Variants in PDZRN4 observed in about 807,000 individuals in gnomAD.
The protein encoded by PDZRN4 is PDZ domain containing ring finger 4, also known as PDZ domain-containing RING finger protein 4.
PDZRN4 carries 70 observed loss-of-function variants against 99.0 expected under a neutral mutation model. The ratio of observed to expected loss-of-function variants is 0.71; its 90% CI spans 0.58 to 0.86. PDZRN4 has a LOEUF of 0.86. PDZRN4 is among the 40% of genes least tolerant of loss of function. The pLI is 0.00. For missense variants in PDZRN4, 1,474 were observed against 1,331.2 expected, an observed-to-expected ratio of 1.11 and a Z score of -1.67; for synonymous variants, 551 against 501.6, an observed-to-expected ratio of 1.10 and a Z score of -1.32.
At chr12:41,528,446 G>A (rs1454486909) in intron 5 of PDZRN4, among the ~76,000 whole-genome samples, 1 of 152,112 alleles carries the variant, frequency 6.6e-6, no homozygotes, top group Middle Eastern at 3.2e-3. Flanking sequence ...TGAACACATT[G>A]CTTGTAAAAC....
intron 3 of PDZRN4, among the ~76,000 whole-genome samples, chr12:41,234,514 C>G (rs1951052240): frequency 6.6e-6 from 1 of 152,062 alleles, no homozygotes. Context: ...TTCATGTTAT[C>G]ACTGATAGAG....
intron 3 of PDZRN4, among the ~76,000 whole-genome samples, chr12:41,336,942 C>G (rs1361562169): frequency 1.3e-5 from 2 of 151,964 alleles, no homozygotes; most frequent in Non-Finnish European, 2.9e-5. Context: ...GATGTTATCC[C>G]AGGAGCAATT....
At chr12:41,538,653 T>C (rs996281172) in intron 5 of PDZRN4, among the ~76,000 whole-genome samples, 1 of 152,028 alleles carries the variant, frequency 6.6e-6, no homozygotes, top group Non-Finnish European at 1.5e-5. Context: ...GATATAATTG[T>C]TGGGCAAAAA....
chr12:41,189,637 A>G (rs867273323), intron 1 of PDZRN4, among the ~76,000 whole-genome samples: 16 of 152,138 alleles, frequency 1.1e-4, no homozygotes, highest in Admixed American at 3.9e-4. Context: ...CCTTCTATTA[A>G]GTTGGGGACT....
intron 3 of PDZRN4, among the ~76,000 whole-genome samples, chr12:41,502,995 T>C (rs1938137204): frequency 6.6e-6 from 1 of 152,154 alleles, no homozygotes; most frequent in African/African-American, 2.4e-5. Flanking sequence ...CAACTGATGA[T>C]AACTGAGCAG....
chr12:41,514,421 A>G (rs992058740), intron 5 of PDZRN4, among the ~76,000 whole-genome samples: 2 of 152,236 alleles, frequency 1.3e-5, no homozygotes, highest in South Asian at 4.1e-4. Flanking sequence ...GGAAATTTTC[A>G]TTCAAAAAAT....
chr12:41,448,477 C>T (rs1222623134), intron 3 of PDZRN4, among the ~76,000 whole-genome samples: 1 of 149,758 alleles, frequency 6.7e-6, no homozygotes, highest in East Asian at 2.0e-4. Context: ...TGCTTCACAA[C>T]TTAAAGTATA....
At chr12:41,448,690 T>G (rs1048912972) in intron 3 of PDZRN4, among the ~76,000 whole-genome samples, 6 of 152,150 alleles carry the variant, frequency 3.9e-5, no homozygotes, top group African/African-American at 1.4e-4. Flanking sequence ...AATAAAATCA[T>G]TAAAGAAACT....
chr12:41,488,075 T>C (rs1277386757), intron 3 of PDZRN4, among the ~76,000 whole-genome samples: 4 of 152,186 alleles, frequency 2.6e-5, no homozygotes, highest in Admixed American at 2.0e-4. Context: ...TCAAGTACTA[T>C]TTTCAGAACA....
chr12:41,481,786 A>C (rs995934751), intron 3 of PDZRN4, among the ~76,000 whole-genome samples: 1 of 152,054 alleles, frequency 6.6e-6, no homozygotes, highest in African/African-American at 2.4e-5. Flanking sequence ...CAATCTCTAC[A>C]ACTAAATCGA....
chr12:41,409,951 T>C (rs1952382422), intron 3 of PDZRN4: 1 of 152,222 alleles, frequency 6.6e-6, no homozygotes, highest in Admixed American at 6.5e-5. Flanking sequence ...TCTTCTTATA[T>C]GGACACCAGT....
chr12:41,257,329 G>C (rs1303875284), intron 3 of PDZRN4, among the ~76,000 whole-genome samples: 2 of 152,200 alleles, frequency 1.3e-5, no homozygotes, highest in Non-Finnish European at 2.9e-5. Context: ...TGGTGGAAGA[G>C]GCAAGGCAGC....
At chr12:41,209,895 T>A (rs11180291) in intron 3 of PDZRN4, among the ~76,000 whole-genome samples, 97,327 of 142,808 alleles carry the variant, frequency 0.68, 33,579 homozygotes, top group South Asian at 0.74. Flanking sequence ...TGGTATTTCT[T>A]GTTCTAGATC....
intron 3 of PDZRN4, among the ~76,000 whole-genome samples, chr12:41,454,982 T>C (rs1296800795): frequency 1.3e-5 from 2 of 152,246 alleles, no homozygotes; most frequent in African/African-American, 2.4e-5. Flanking sequence ...ATTTGGTCAT[T>C]TTAGCCAATT....
chr12:41,253,804 A>G (rs1452406721), intron 3 of PDZRN4, among the ~76,000 whole-genome samples: 1 of 152,212 alleles, frequency 6.6e-6, no homozygotes, highest in East Asian at 1.9e-4. Context: ...TTATTCAGCC[A>G]CAAAAAGAAT....
chr12:41,258,682 A>G (rs1168999179), intron 3 of PDZRN4, among the ~76,000 whole-genome samples: 1 of 152,180 alleles, frequency 6.6e-6, no homozygotes, highest in Admixed American at 6.6e-5. Context: ...TTGCTTGTAC[A>G]CTATTCTAGT....
chr12:41,188,667 G>T lies in PDZRN4; in HGVS notation c.212G>T (p.Arg71Leu). 3 of 1,551,548 alleles carry T rather than the reference G, an allele frequency of 1.9e-6. No homozygotes were observed. Among genetic ancestry groups the T allele is most frequent in the Non-Finnish European group, 2.6e-6 (3 of 1,156,692 alleles). ...PGELYRVLPL[R>L]SLIQKLRVQC... ...GAGCTGTACCGGGTGCTGCCGCTGC[G>T]CAGCCTCATCCAGAAGCTGCGAGTC... is the stretch of plus-strand genomic sequence containing the variant. Residue 71 changes from arginine (R) to leucine (L), a missense_variant, in exon 1 of 10, where the codon CGC becomes CTC. Transcript: ENST00000402685.
intron 8 of PDZRN4, among the ~76,000 whole-genome samples, chr12:41,566,719 G>A (rs1939378724): frequency 6.6e-6 from 1 of 152,142 alleles, no homozygotes; most frequent in Non-Finnish European, 1.5e-5. Flanking sequence ...TTAAGTTGTA[G>A]AAGTTCAGTT....
At chr12:41,208,835 C>T (rs1950867698) in intron 3 of PDZRN4, among the ~76,000 whole-genome samples, 1 of 151,490 alleles carries the variant, frequency 6.6e-6, no homozygotes, top group Admixed American at 6.6e-5. Context: ...GTTCTTTGTG[C>T]TTTTTTTCCT....
Sources: allele counts gnomAD v4.1 joint callset (sites outside exome capture counted in the v4.1 genomes callset), GRCh38; gene constraint gnomAD v4.1.1; transcripts MANE v1.5; gene names NCBI Gene and HGNC (gene_info 2026-07-23, HGNC 2026-07-21).